Variants in RAMP1 observed in about 807,000 individuals in gnomAD.
The protein encoded by RAMP1 is receptor activity-modifying protein 1.
In RAMP1, 7 loss-of-function variants were observed where a neutral mutation model predicts 8.2. The ratio of observed to expected loss-of-function variants is 0.85; its 90% CI spans 0.49 to 1.60. The LOEUF (loss-of-function observed/expected upper bound fraction) is 1.60. RAMP1 is among the 40% of genes most tolerant of loss of function. The pLI is 0.00. For missense variants in RAMP1, 192 were observed against 202.4 expected (o/e 0.95, Z 0.31); for synonymous variants, 92 against 84.7 (o/e 1.09, Z -0.47).
chr2:237,901,145 G>T lies in RAMP1; in HGVS notation c.192-10383G>T, dbSNP rs78260947. Reference sequence around the variant, plus strand: ...TGGCCCTTCTCACCGGCCTGGGCCAGGTCTGCTGGGAAGCCCACACCCCTG... The same window carrying T: ...TGGCCCTTCTCACCGGCCTGGGCCATGTCTGCTGGGAAGCCCACACCCCTG... On this transcript the variant is annotated intron_variant, in intron 2 of 2. Transcript: ENST00000254661. Among the ~76,000 whole-genome samples, 936 of 152,360 alleles carry T rather than the reference G, an allele frequency of 6.1e-3. 9 individuals are homozygous for T. The highest frequency in any genetic ancestry group is 0.021 in the African/African-American group (858 of 41,582).
intron 2 of RAMP1, among the ~76,000 whole-genome samples, chr2:237,902,514 A>G (rs2062612146): frequency 6.6e-6 from 1 of 151,960 alleles, no homozygotes; most frequent in African/African-American, 2.4e-5. Context: ...TCCTGCCCCC[A>G]GGGCCCACCC....
intron 2 of RAMP1, among the ~76,000 whole-genome samples, chr2:237,879,920 G>A (rs1234160329): frequency 4.7e-5 from 7 of 150,186 alleles, no homozygotes; most frequent in South Asian, 4.3e-4. Flanking sequence ...AACCCAGGAG[G>A]CGGAGGTTGC....
intron 1 of RAMP1, among the ~76,000 whole-genome samples, chr2:237,866,194 A>G (rs1247551590): frequency 6.6e-6 from 1 of 152,116 alleles, no homozygotes; most frequent in Non-Finnish European, 1.5e-5. Context: ...TTTCTCCTGC[A>G]GATGACTCAT....
intron 2 of RAMP1, among the ~76,000 whole-genome samples, chr2:237,896,075 C>T (rs976734887): frequency 7.9e-5 from 12 of 152,224 alleles, no homozygotes; most frequent in Non-Finnish European, 1.8e-4. Context: ...TCCCAGCATT[C>T]CCTGATCCTC....
chr2:237,900,582 T>G (rs1192123684), intron 2 of RAMP1, among the ~76,000 whole-genome samples: 3 of 152,238 alleles, frequency 2.0e-5, no homozygotes, highest in Non-Finnish European at 4.4e-5. Flanking sequence ...TTATTTTTGT[T>G]TAATAAAATA....
chr2:237,893,737 G>A (rs1301913629), intron 2 of RAMP1, among the ~76,000 whole-genome samples: 3 of 152,040 alleles, frequency 2.0e-5, no homozygotes, highest in South Asian at 2.1e-4. Context: ...TCAGGAGTTC[G>A]AGACCAGTGT....
chr2:237,881,625 G>A (rs1052468562), intron 2 of RAMP1, among the ~76,000 whole-genome samples: 1 of 152,256 alleles, frequency 6.6e-6, no homozygotes, highest in Non-Finnish European at 1.5e-5. Flanking sequence ...TAAGTGAGAA[G>A]TGATGTCTCA....
chr2:237,903,530 T>G lies in RAMP1; in HGVS notation c.192-7998T>G, dbSNP rs1363123220. Reference sequence around the variant, plus strand: ...CACTAGCATTCAGCATTATTTTCTTTTTTTTTGAGACAGGGTCTTATTCTG... The same window carrying G: ...CACTAGCATTCAGCATTATTTTCTTGTTTTTTGAGACAGGGTCTTATTCTG... On this transcript the variant is annotated intron_variant, in intron 2 of 2. Coordinates refer to ENST00000254661, the MANE Select transcript of RAMP1 (RefSeq NM_005855.4). 2.0e-5 allele frequency among the ~76,000 whole-genome samples: 3 copies of G among 152,118 alleles called. No individual in the cohort carries two copies. The East Asian group carries it at 5.8e-4, about 29-fold the overall frequency.
intron 1 of RAMP1, among the ~76,000 whole-genome samples, chr2:237,867,791 C>T (rs1331447611): frequency 1.3e-5 from 2 of 152,162 alleles, no homozygotes; most frequent in Non-Finnish European, 2.9e-5. Context: ...CCTGAGTGAG[C>T]TTGCTCTGTA....
intron 2 of RAMP1, among the ~76,000 whole-genome samples, chr2:237,886,253 C>T (rs1016727749): frequency 6.6e-6 from 1 of 152,164 alleles, no homozygotes; most frequent in Non-Finnish European, 1.5e-5. Flanking sequence ...GTCTCCTTGG[C>T]GCGCGTGACC....
intron 2 of RAMP1, among the ~76,000 whole-genome samples, chr2:237,897,392 T>C (rs1301335298): frequency 6.6e-6 from 1 of 152,196 alleles, no homozygotes; most frequent in Non-Finnish European, 1.5e-5. Context: ...CAGCATGCTC[T>C]ACAGTCACTG....
chr2:237,865,736 G>A lies in RAMP1; in HGVS notation c.52+6009G>A, dbSNP rs115107745. On this transcript the variant is annotated intron_variant, in intron 1 of 2. Coordinates refer to ENST00000254661, the MANE Select transcript of RAMP1 (RefSeq NM_005855.4). The surrounding 1 kb of genome is among the most constrained non-coding windows in gnomAD (Gnocchi z 4.2). Reference sequence around the variant, plus strand: ...ATCCTTGCTTGGAGGGGTGACCGGTGAGAGTGGGTAGAAACAGGCCCAGGC... The same window carrying A: ...ATCCTTGCTTGGAGGGGTGACCGGTAAGAGTGGGTAGAAACAGGCCCAGGC... Among the ~76,000 whole-genome samples the A allele has an allele frequency of 6.3e-3, 953 of 152,280 alleles. 7 individuals are homozygous for A. Among genetic ancestry groups the A allele is most frequent in the Non-Finnish European group, 0.011 (751 of 68,008 alleles).
intron 2 of RAMP1, among the ~76,000 whole-genome samples, chr2:237,882,139 C>T (rs182500740): frequency 1.3e-5 from 2 of 152,312 alleles, no homozygotes; most frequent in African/African-American, 4.8e-5. Flanking sequence ...TTTATGCAAA[C>T]GTCCATCTCT....
chr2:237,902,520 C>T (rs1425761330), intron 2 of RAMP1, among the ~76,000 whole-genome samples: 2 of 152,094 alleles, frequency 1.3e-5, no homozygotes, highest in Non-Finnish European at 2.9e-5. Context: ...CCCCAGGGCC[C>T]ACCCCGCACC....
In RAMP1 at chr2:237,909,333, A is replaced by T. The variant is rs138515692; in HGVS notation, c.192-2195A>T. Among the ~76,000 whole-genome samples the T allele has an allele frequency of 4.4e-4, 67 of 151,968 alleles. No individual in the cohort carries two copies. The East Asian group carries it at 0.011, about 24-fold the overall frequency. On this transcript the variant is annotated intron_variant, in intron 2 of 2. Coordinates refer to ENST00000254661, the MANE Select transcript of RAMP1 (RefSeq NM_005855.4). Reference sequence around the variant, plus strand: ...TGGGTAACAGCGGTCCCCGAGCATGAGCGAGCTCACACACAGGCCTTGCCG... The same window carrying T: ...TGGGTAACAGCGGTCCCCGAGCATGTGCGAGCTCACACACAGGCCTTGCCG...
At chr2:237,891,296 G>A (rs981821960) in intron 2 of RAMP1, among the ~76,000 whole-genome samples, 5 of 152,096 alleles carry the variant, frequency 3.3e-5, no homozygotes, top group Admixed American at 6.5e-5. Flanking sequence ...GACTACAGGC[G>A]CCCGCCACCA....
In RAMP1 at chr2:237,877,349, G is replaced by A. The variant is rs749409676; in HGVS notation, c.178G>A (p.Gly60Ser). Reference protein sequence around the residue: ...AVGETLWCDWGRTIRSYRELA... With the variant: ...AVGETLWCDWSRTIRSYRELA... The stretch of plus-strand genomic sequence containing the variant: ...CGGGGAGACGCTGTGGTGTGACTGG[G>A]GCAGGACCATCAGGTGAGTCCCATG... The change falls in exon 2 of 3, where the codon GGC becomes AGC. Residue 60 changes from glycine to serine, a missense_variant. Transcript: ENST00000254661. The surrounding 1 kb of genome is among the most constrained non-coding windows in gnomAD (Gnocchi z 4.4). The A allele has an allele frequency of 3.1e-6, 5 of 1,613,102 alleles. No individual in the cohort carries two copies. Among genetic ancestry groups the A allele is most frequent in the Non-Finnish European group, 4.2e-6 (5 of 1,179,544 alleles).
intron 2 of RAMP1, among the ~76,000 whole-genome samples, chr2:237,895,645 C>T (rs991047603): frequency 1.6e-4 from 24 of 152,198 alleles, no homozygotes; most frequent in African/African-American, 5.5e-4. Context: ...GCTGAAGGCT[C>T]GTGAAGCCCG....
At position 237,862,981 on chromosome 2, in the gene RAMP1, C is replaced by T. The variant is rs181178981; in HGVS notation, c.52+3254C>T. ...CCTGAAGCCTTTTGAGCCCCTAGAT[C>T]GAGCTCATGGGGTACACATTTCCAT... On this transcript the variant is annotated intron_variant, in intron 1 of 2. Transcript: ENST00000254661. The surrounding 1 kb of genome is among the most constrained non-coding windows in gnomAD (Gnocchi z 4.0). Among the ~76,000 whole-genome samples, 10 of 152,314 alleles carry T rather than the reference C, an allele frequency of 6.6e-5. No individual in the cohort carries two copies. The highest frequency in any genetic ancestry group is 1.9e-4 in the African/African-American group (8 of 41,570).
Sources: gnomAD v4.1 joint callset for allele counts (sites outside exome capture counted in the v4.1 genomes callset) on GRCh38, gnomAD v4.1.1 for gene constraint, Gnocchi (gnomAD v3.1) non-coding constraint, MANE v1.5 for transcripts, NCBI Gene and HGNC (gene_info 2026-07-23, HGNC 2026-07-21) for gene names.